The following IFT80 variants were observed in gnomAD, a reference collection of about 807,000 sequenced individuals.
IFT80 encodes the protein intraflagellar transport protein 80 homolog.
Under a neutral mutation model 107.9 loss-of-function variants are expected in IFT80, and 79 were observed. That is an observed-to-expected ratio of 0.73 (90% CI 0.61 to 0.88). The LOEUF is 0.88. Among genes scored for constraint, IFT80 ranks in the 40% least tolerant of loss-of-function variants. The probability of loss-of-function intolerance (pLI) is 0.00; values close to 1 mark genes in which losing one functional copy is unlikely to be tolerated. For synonymous variants in IFT80, 299 were observed against 300.9 expected, an observed-to-expected ratio of 0.99 and a Z score of 0.07; for missense variants, 797 against 914.2, an observed-to-expected ratio of 0.87 and a Z score of 1.65.
intron 3 of IFT80, among the ~76,000 whole-genome samples, chr3:160,378,562 G>T (rs1712221885): frequency 6.6e-6 from 1 of 151,230 alleles, no homozygotes; most frequent in Non-Finnish European, 1.5e-5. Flanking sequence ...TTGGGGGCTG[G>T]GACTAAGAAA....
rs781482459 is a variant in IFT80 at position 160,282,619 on chromosome 3, A to G, written c.1381-6T>C. The G allele has an allele frequency of 2.6e-6, 4 of 1,543,746 alleles. No individual in the cohort carries two copies. Among genetic ancestry groups the G allele is most frequent in the Non-Finnish European group, 3.6e-6 (4 of 1,120,278 alleles). ...GCAATTTCCAAGATTTCATTCTAAA[A>G]TTTTTTTTAAATGTAAATACTGGGT... On this transcript the variant is annotated splice_region_variant and splice_polypyrimidine_tract_variant and intron_variant, in intron 13 of 19. Transcript: ENST00000326448.
At position 160,384,570 on chromosome 3, in the gene IFT80, G is replaced by A. The variant is rs1712783222; in HGVS notation, c.31C>T (p.Pro11Ser). The A allele has an allele frequency of 4.7e-6, 7 of 1,495,240 alleles. No individual in the cohort carries two copies. The highest frequency in any genetic ancestry group is 6.5e-6 in the Non-Finnish European group (7 of 1,073,774). 92.6% of individuals were successfully genotyped at this position (1,495,240 alleles called of 1,614,324 possible). MRLKISLLKE[P>S]KHQELVSCVG... ...ATAAGCATTAAAAGGATATGCTTTG[G>A]TTCTTTTAAAAGAGATATCTTTAGT... The change falls in exon 2 of 20, where the codon CCA becomes TCA. Residue 11 changes from proline (P) to serine (S), a missense_variant. Pro to Ser is a moderately conservative substitution (Grantham distance 74). Transcript: ENST00000326448.
chr3:160,368,000 T>A (rs987732817), intron 5 of IFT80, among the ~76,000 whole-genome samples: 1 of 151,948 alleles, frequency 6.6e-6, no homozygotes, highest in South Asian at 2.1e-4. Flanking sequence ...AACCATCTTT[T>A]AAAAATTGTC....
At chr3:160,306,047 G>T (rs1716811176) in intron 10 of IFT80, among the ~76,000 whole-genome samples, 1 of 152,040 alleles carries the variant, frequency 6.6e-6, no homozygotes, top group Admixed American at 6.6e-5. Flanking sequence ...TCCCACTACT[G>T]CATCCTTGCA....
At chr3:160,266,719 T>C (rs1408802877) in intron 19 of IFT80, among the ~76,000 whole-genome samples, 1 of 152,144 alleles carries the variant, frequency 6.6e-6, no homozygotes, top group Non-Finnish European at 1.5e-5. Flanking sequence ...AAGTATCAAA[T>C]GTGAATATTG....
At chr3:160,331,370 T>C (rs1230086055) in intron 8 of IFT80, among the ~76,000 whole-genome samples, 1 of 152,158 alleles carries the variant, frequency 6.6e-6, no homozygotes, top group Admixed American at 6.6e-5. Context: ...GTGTGCAATA[T>C]AAAACTTATG....
chr3:160,309,746 A>C (rs1717104070), intron 9 of IFT80, among the ~76,000 whole-genome samples: 1 of 152,176 alleles, frequency 6.6e-6, no homozygotes, highest in Non-Finnish European at 1.5e-5. Context: ...TATCTAAGAA[A>C]GGGAAGAATA....
intron 8 of IFT80, among the ~76,000 whole-genome samples, chr3:160,323,506 A>C (rs1206433451): frequency 1.3e-5 from 2 of 151,964 alleles, no homozygotes; most frequent in Non-Finnish European, 2.9e-5. Flanking sequence ...CTTAGGATTG[A>C]ACAACCTGCT....
chr3:160,307,843 A>G, intron 9 of IFT80, 62 bp from the exon 10 acceptor site: 1 of 866,328 alleles, frequency 1.2e-6, no homozygotes, highest in South Asian at 1.4e-5. Flanking sequence ...TATTTAGATA[A>G]GTTAGCAAGA....
intron 7 of IFT80, among the ~76,000 whole-genome samples, 193 bp from the exon 8 acceptor site, chr3:160,356,343 A>G (rs372706653): frequency 6.6e-6 from 1 of 152,236 alleles, no homozygotes; most frequent in African/African-American, 2.4e-5. Context: ...CGTCTTTACT[A>G]TCACACAAGG....
At chr3:160,339,230 C>T (rs1394677914) in intron 8 of IFT80, among the ~76,000 whole-genome samples, 1 of 152,176 alleles carries the variant, frequency 6.6e-6, no homozygotes. Context: ...TATCTTTCCC[C>T]CTCAAGCTAT....
At chr3:160,337,468 GAAA>G (rs1185547830) in intron 8 of IFT80, among the ~76,000 whole-genome samples, 1 of 151,346 alleles carries the variant, frequency 6.6e-6, no homozygotes, top group Non-Finnish European at 1.5e-5. Context: ...CTAAAAATAC[GAAA>G]AAAAATAGCT....
intron 2 of IFT80, 94 bp from the exon 3 acceptor site, chr3:160,381,818 G>A (rs938686875): frequency 1.7e-5 from 17 of 973,678 alleles, no homozygotes; most frequent in Non-Finnish European, 2.6e-5. Flanking sequence ...AGTAAAATAG[G>A]GTCAAATGGT....
At chr3:160,306,997 T>A (rs957192007) in intron 10 of IFT80, among the ~76,000 whole-genome samples, 29 of 152,296 alleles carry the variant, frequency 1.9e-4, no homozygotes, top group African/African-American at 4.1e-4. Context: ...ACAAAATTTT[T>A]AAAAAATCCT....
At chr3:160,304,833 T>C (rs550295353) in intron 10 of IFT80, among the ~76,000 whole-genome samples, 2 of 152,302 alleles carry the variant, frequency 1.3e-5, no homozygotes, top group African/African-American at 2.4e-5. Flanking sequence ...AGACCTGTTA[T>C]AAAGCAGGTA....
At position 160,321,554 on chromosome 3, in the gene IFT80, A is replaced by C. The variant is rs571050195; in HGVS notation, c.778-1615T>G. Among the ~76,000 whole-genome samples the C allele has an allele frequency of 1.2e-4, 18 of 152,072 alleles. No homozygotes were observed. The South Asian group carries it at 3.5e-3, about 30-fold the overall frequency. On this transcript the variant is annotated intron_variant, in intron 8 of 19. Coordinates refer to ENST00000326448, the MANE Select transcript of IFT80 (RefSeq NM_020800.3). ...GCCTGAAACTATAGAAGGTGCTAAA[A>C]CCTATGCATCCTATGTTTTTTTCTA...
rs527851378 is a variant in IFT80 at position 160,364,563 on chromosome 3, G to T, written c.549+1480C>A. Among the ~76,000 whole-genome samples the T allele has an allele frequency of 1.3e-4, 20 of 151,974 alleles. No individual in the cohort carries two copies. In the South Asian group the frequency reaches 3.5e-3, roughly 27 times the overall value. On this transcript the variant is annotated intron_variant, in intron 6 of 19. Transcript: ENST00000326448. The stretch of plus-strand genomic sequence containing the variant: ...AAGACACATGCATACATATATTTAT[G>T]GTGGCACTATTCACAATAGCAAAGA...
rs901815416 is a variant in IFT80, at chr3:160,268,427, G to C, written c.2209C>G (p.His737Asp). The change falls in exon 19 of 20, where the codon CAT becomes GAT. Residue 737 changes from histidine (H) to aspartate (D), a missense_variant. His to Asp is a moderately conservative substitution (Grantham distance 81). Coordinates refer to ENST00000326448, the MANE Select transcript of IFT80 (RefSeq NM_020800.3). ...GAAATACTTACACCTTCTGCATAATGCAAGTATCGTTTATTAGTTTCCTGT... is the reference window on the plus strand; with the variant it reads ...GAAATACTTACACCTTCTGCATAATCCAAGTATCGTTTATTAGTTTCCTGT... Reference protein sequence around the residue: ...GKQETNKRYLHYAEGLQIDWE... With the variant: ...GKQETNKRYLDYAEGLQIDWE... The C allele has an allele frequency of 1.9e-6, 3 of 1,612,376 alleles. No homozygotes were observed. The African/African-American group carries it at 4.0e-5, about 22-fold the overall frequency.
At position 160,277,306 on chromosome 3, in the gene IFT80, C is replaced by G; in HGVS notation, c.2099G>C (p.Arg700Thr). ...QININLYNWE[R>T]ALELAVKYKT... ...AACTGATGGAAAGCATTCTTATTACCTTTCCCAGTTGTAGAGATTAATATT... is the reference window on the plus strand; with the variant it reads ...AACTGATGGAAAGCATTCTTATTACGTTTCCCAGTTGTAGAGATTAATATT... Residue 700 changes from arginine to threonine, a missense_variant and splice_region_variant, in exon 18 of 20, where the codon AGG (arginine) becomes ACG (threonine). Coordinates refer to ENST00000326448, the MANE Select transcript of IFT80 (RefSeq NM_020800.3). 6.2e-7 allele frequency: 1 copy of G among 1,611,698 alleles called. No individual in the cohort carries two copies. The highest frequency in any genetic ancestry group is 2.2e-5 in the East Asian group (1 of 44,808).
Sources: gnomAD v4.1 joint callset for allele counts (sites outside exome capture counted in the v4.1 genomes callset) on GRCh38, gnomAD v4.1.1 for gene constraint, MANE v1.5 for transcripts, NCBI Gene and HGNC (gene_info 2026-07-23, HGNC 2026-07-21) for gene names.